The following DPYD variants were observed in gnomAD, a reference collection of about 807,000 sequenced individuals.
DPYD encodes dihydropyrimidine dehydrogenase, also known as dihydropyrimidine dehydrogenase [NADP(+)].
A neutral mutation model predicts 116.2 loss-of-function variants in DPYD; 109 were observed. That is an observed-to-expected ratio of 0.94 (90% confidence interval 0.80 to 1.10). DPYD has a LOEUF of 1.10. DPYD is among the 50% of genes least tolerant of loss of function. DPYD has a pLI of 0.00. For missense variants in DPYD, 1,302 were observed against 1,254.5 expected, an observed-to-expected ratio of 1.04 and a Z score of -0.57; for synonymous variants, 440 against 432.0, an observed-to-expected ratio of 1.02 and a Z score of -0.23.
chr1:97,669,935 A>T (rs1334747073), intron 8 of DPYD, among the ~76,000 whole-genome samples: 3 of 152,134 alleles, frequency 2.0e-5, no homozygotes, highest in African/African-American at 7.2e-5. Flanking sequence ...ACCAAACTTT[A>T]CATAGCAGCG....
intron 21 of DPYD, among the ~76,000 whole-genome samples, chr1:97,096,291 C>T (rs1650242772): frequency 6.6e-6 from 1 of 152,022 alleles, no homozygotes; most frequent in African/African-American, 2.4e-5. Context: ...ATTTAATATA[C>T]AATCTCTGAA....
intron 20 of DPYD, among the ~76,000 whole-genome samples, chr1:97,109,955 A>C (rs754347574): frequency 6.6e-6 from 1 of 152,168 alleles, no homozygotes; most frequent in Non-Finnish European, 1.5e-5. Flanking sequence ...CTCCACAAAT[A>C]ATAGCTTCTC....
chr1:97,441,575 T>C (rs1482876656), intron 14 of DPYD, among the ~76,000 whole-genome samples: 1 of 152,172 alleles, frequency 6.6e-6, no homozygotes, highest in Non-Finnish European at 1.5e-5. Context: ...CTATCTTCCA[T>C]GTCTTAGCTT....
chr1:97,177,152 A>T (rs745702607), intron 20 of DPYD, among the ~76,000 whole-genome samples: 1 of 152,152 alleles, frequency 6.6e-6, no homozygotes, highest in Non-Finnish European at 1.5e-5. Context: ...ACAGTCTGTG[A>T]TCCTTTTAAG....
At chr1:97,139,570 T>G (rs1161764769) in intron 20 of DPYD, among the ~76,000 whole-genome samples, 1 of 152,204 alleles carries the variant, frequency 6.6e-6, no homozygotes, top group East Asian at 1.9e-4. Flanking sequence ...AACTGAAGTA[T>G]CATTACATCC....
chr1:97,533,186 C>T (rs1454847297), intron 12 of DPYD, among the ~76,000 whole-genome samples: 1 of 151,908 alleles, frequency 6.6e-6, no homozygotes, highest in Non-Finnish European at 1.5e-5. Flanking sequence ...TACAATTCAA[C>T]ATGAGATTTG....
chr1:97,592,659 G>A (rs1202932473), intron 10 of DPYD, among the ~76,000 whole-genome samples: 2 of 152,150 alleles, frequency 1.3e-5, no homozygotes, highest in African/African-American at 2.4e-5. Flanking sequence ...GAGCCACCGC[G>A]CACAGCCAAA....
At chr1:97,135,975 A>G (rs1227930073) in intron 20 of DPYD, among the ~76,000 whole-genome samples, 1 of 152,194 alleles carries the variant, frequency 6.6e-6, no homozygotes, top group Non-Finnish European at 1.5e-5. Flanking sequence ...TTTAAATCAG[A>G]AAGGACTTTG....
chr1:97,632,379 T>G (rs755732384), intron 8 of DPYD, among the ~76,000 whole-genome samples: 1 of 152,146 alleles, frequency 6.6e-6, no homozygotes. Context: ...AGTATTCTAC[T>G]GCTTAAGTAA....
intron 20 of DPYD, among the ~76,000 whole-genome samples, chr1:97,178,376 C>G (rs1657432969): frequency 6.6e-6 from 1 of 152,288 alleles, no homozygotes; most frequent in South Asian, 2.1e-4. Context: ...ACTCACAATT[C>G]TGCACTGCTG....
In DPYD at chr1:97,306,159, T is replaced by C; in HGVS notation, c.2179+18A>G. On this transcript the variant is annotated intron_variant, in intron 17 of 22. Transcript: ENST00000370192. ...AATATTTACAATAGCGGGCAACTGA[T>C]TCAAGTCAAGTTCTTACCTTCCTTT... The C allele has an allele frequency of 2.5e-6, 4 of 1,612,032 alleles. No homozygotes were observed. The highest frequency in any genetic ancestry group is 1.1e-5 in the South Asian group (1 of 91,064).
At chr1:97,657,915 G>A (rs1431214359) in intron 8 of DPYD, among the ~76,000 whole-genome samples, 1 of 152,100 alleles carries the variant, frequency 6.6e-6, no homozygotes, top group Non-Finnish European at 1.5e-5. Flanking sequence ...AATCATTAAA[G>A]CAAACAGCAG....
intron 13 of DPYD, among the ~76,000 whole-genome samples, chr1:97,456,706 T>G (rs913690052): frequency 6.6e-6 from 1 of 152,060 alleles, no homozygotes; most frequent in African/African-American, 2.4e-5. Flanking sequence ...GCAACTAGTA[T>G]TATAGGAATC....
chr1:97,634,633 G>A (rs1657459224), intron 8 of DPYD, among the ~76,000 whole-genome samples: 1 of 152,030 alleles, frequency 6.6e-6, no homozygotes, highest in African/African-American at 2.4e-5. Context: ...CCATGAATAA[G>A]TAGGTGGAAG....
intron 3 of DPYD, among the ~76,000 whole-genome samples, chr1:97,789,041 C>A (rs1557962790): frequency 6.6e-6 from 1 of 152,028 alleles, no homozygotes; most frequent in Admixed American, 6.6e-5. Context: ...TGAGCTCATG[C>A]GATCTACCGC....
chr1:97,212,192 A>G (rs1660076846), intron 19 of DPYD, among the ~76,000 whole-genome samples: 1 of 152,216 alleles, frequency 6.6e-6, no homozygotes, highest in East Asian at 1.9e-4. Flanking sequence ...ATTACCCAAA[A>G]GTTTTCTTGC....
chr1:97,731,862 A>G lies in DPYD; in HGVS notation c.321+8530T>C, dbSNP rs577669786. Among the ~76,000 whole-genome samples, 211 of 152,048 alleles carry G rather than the reference A, an allele frequency of 1.4e-3. 2 individuals carry two copies. The South Asian group carries it at 0.017, about 12-fold the overall frequency. ...TAGTTGTGATTCCAATTTAATTTAT[A>G]TATATTTAGTTTTTATATCATTAGT... On this transcript the variant is annotated intron_variant, in intron 4 of 22. Transcript: ENST00000370192.
intron 20 of DPYD, among the ~76,000 whole-genome samples, chr1:97,117,986 T>G (rs1652112491): frequency 6.6e-6 from 1 of 152,178 alleles, no homozygotes; most frequent in Non-Finnish European, 1.5e-5. Context: ...ATATAACACC[T>G]TTTCACTATT....
At chr1:97,261,983 T>C (rs555853807) in intron 18 of DPYD, among the ~76,000 whole-genome samples, 1 of 152,174 alleles carries the variant, frequency 6.6e-6, no homozygotes, top group African/African-American at 2.4e-5. Context: ...CTGAATTTTT[T>C]TTTGTTTTTG....
Sources: allele counts gnomAD v4.1 joint callset (sites outside exome capture counted in the v4.1 genomes callset), GRCh38; gene constraint gnomAD v4.1.1; transcripts MANE v1.5; gene names NCBI Gene and HGNC (gene_info 2026-07-23, HGNC 2026-07-21).